Variants in GNAL observed in about 807,000 individuals in gnomAD.
GNAL encodes G protein subunit alpha L.
A neutral mutation model predicts 55.1 loss-of-function variants in GNAL; 18 were observed. The observed-to-expected ratio is 0.33, with a 90% CI of 0.23 to 0.48. The LOEUF is 0.48. Among genes scored for constraint, GNAL ranks in the 20% least tolerant of loss-of-function variants. The probability of loss-of-function intolerance (pLI) is 0.99; values close to 1 mark genes in which losing one functional copy is unlikely to be tolerated. For missense variants in GNAL, 412 were observed against 614.1 expected (o/e 0.67, Z 3.48); for synonymous variants, 253 against 237.0 (o/e 1.07, Z -0.62).
chr18:11,830,513 C>T (rs1416404201), intron 5 of GNAL, among the ~76,000 whole-genome samples: 1 of 152,122 alleles, frequency 6.6e-6, no homozygotes, highest in Non-Finnish European at 1.5e-5. Flanking sequence ...TTTTGGGCTT[C>T]TCAGTGATGC....
intron 1 of GNAL, among the ~76,000 whole-genome samples, chr18:11,743,238 G>T (rs1268347134): frequency 6.7e-6 from 1 of 150,002 alleles, no homozygotes; most frequent in African/African-American, 2.5e-5. Context: ...GATTTACACA[G>T]AATCAGGTGT....
chr18:11,723,188 AAAAT>A, intron 1 of GNAL, among the ~76,000 whole-genome samples: 1 of 152,222 alleles, frequency 6.6e-6, no homozygotes, highest in Non-Finnish European at 1.5e-5. Flanking sequence ...TGTCTTGAAA[AAAAT>A]AAAAAAATAA....
intron 1 of GNAL, among the ~76,000 whole-genome samples, chr18:11,725,843 A>G (rs1472723482): frequency 1.3e-5 from 2 of 152,170 alleles, no homozygotes; most frequent in South Asian, 2.1e-4. Flanking sequence ...CTTTGCAGGA[A>G]ACTACCAAAT....
chr18:11,850,581 G>T (rs2035834656), intron 5 of GNAL, among the ~76,000 whole-genome samples: 1 of 152,226 alleles, frequency 6.6e-6, no homozygotes, highest in South Asian at 2.1e-4. Flanking sequence ...GCCCGTGGGT[G>T]TGGGTCCTGA....
At chr18:11,861,846 C>G (rs1456938837) in intron 5 of GNAL, among the ~76,000 whole-genome samples, 1 of 152,142 alleles carries the variant, frequency 6.6e-6, no homozygotes, top group African/African-American at 2.4e-5. Flanking sequence ...CGTTCTCGCT[C>G]TCGCACACTT....
intron 1 of GNAL, among the ~76,000 whole-genome samples, chr18:11,699,764 T>C (rs113672533): frequency 6.6e-6 from 1 of 152,162 alleles, no homozygotes; most frequent in African/African-American, 2.4e-5. Context: ...TGATACCATA[T>C]GAGTGGACAA....
chr18:11,794,560 T>C (rs112823421), intron 4 of GNAL, among the ~76,000 whole-genome samples: 1 of 152,036 alleles, frequency 6.6e-6, no homozygotes, highest in Non-Finnish European at 1.5e-5. Flanking sequence ...AATTGGTAGT[T>C]GCCAGGTGTT....
chr18:11,884,651 T>G lies in GNAL; in HGVS notation c.*3516T>G. 6.2e-7 allele frequency: 1 copy of G among 1,608,906 alleles called. No homozygotes were observed. The highest frequency in any genetic ancestry group is 1.1e-5 in the South Asian group (1 of 90,930). ...CCCTGGAAAGGAGAAGGGAAAGTTA[T>G]GCTGAGAGCACCAGGCACACGTTGA... is the stretch of plus-strand genomic sequence containing the variant. On this transcript the variant is annotated 3_prime_UTR_variant, in exon 12 of 12. Transcript: ENST00000334049.
chr18:11,827,844 A>C lies in GNAL; in HGVS notation c.722+2829A>C, dbSNP rs1298176611. Reference sequence around the variant, plus strand: ...AAATTAGCCGGGCGTGGTGGCCGGCACCTGTAGTCCCAGCTACTCTGGAGG... The same window carrying C: ...AAATTAGCCGGGCGTGGTGGCCGGCCCCTGTAGTCCCAGCTACTCTGGAGG... On this transcript the variant is annotated intron_variant, in intron 5 of 11. Transcript: ENST00000334049. Among the ~76,000 whole-genome samples the C allele has an allele frequency of 7.2e-5, 11 of 151,770 alleles. No homozygotes were observed. In the East Asian group the frequency reaches 2.2e-3, roughly 30 times the overall value.
At chr18:11,797,576 T>G (rs1003888370) in intron 4 of GNAL, among the ~76,000 whole-genome samples, 2 of 151,998 alleles carry the variant, frequency 1.3e-5, no homozygotes, top group African/African-American at 4.8e-5. Context: ...AAGCCCCACC[T>G]CTACAAAAAA....
At chr18:11,808,700 A>C (rs1161550889) in intron 4 of GNAL, among the ~76,000 whole-genome samples, 1 of 152,230 alleles carries the variant, frequency 6.6e-6, no homozygotes, top group Non-Finnish European at 1.5e-5. Flanking sequence ...CTTGCACACG[A>C]ATGTTTATAG....
chr18:11,833,584 T>C (rs1351011121), intron 5 of GNAL: 1 of 152,184 alleles, frequency 6.6e-6, no homozygotes, highest in Non-Finnish European at 1.5e-5. Flanking sequence ...AACCTGTTTT[T>C]AAAATATCTC....
intron 1 of GNAL, among the ~76,000 whole-genome samples, chr18:11,727,034 C>T (rs2032227894): frequency 6.6e-6 from 1 of 151,964 alleles, no homozygotes; most frequent in South Asian, 2.1e-4. Context: ...TCAGTAGCAG[C>T]CTCTGTGTGC....
In GNAL at chr18:11,734,175, C is replaced by T. The variant is rs1367420220; in HGVS notation, c.377-18678C>T. On this transcript the variant is annotated intron_variant, in intron 1 of 11. Coordinates refer to ENST00000334049, the MANE Select transcript of GNAL (RefSeq NM_182978.4). ...TTTTTTTTTTTTTTTGAGACAGCCTCGCTCTGTCACCAGACTGGAGTGCAG... is the reference window on the plus strand; with the variant it reads ...TTTTTTTTTTTTTTTGAGACAGCCTTGCTCTGTCACCAGACTGGAGTGCAG... Among the ~76,000 whole-genome samples the T allele has an allele frequency of 2.2e-4, 33 of 148,166 alleles. 1 individual carries two copies. The highest frequency in any genetic ancestry group is 2.2e-3 in the Admixed American group (32 of 14,826).
intron 1 of GNAL, among the ~76,000 whole-genome samples, chr18:11,749,658 T>G (rs2032769929): frequency 6.6e-6 from 1 of 152,120 alleles, no homozygotes; most frequent in Non-Finnish European, 1.5e-5. Context: ...ACCATAACAA[T>G]GCAAGGTGAT....
intron 4 of GNAL, among the ~76,000 whole-genome samples, chr18:11,789,500 A>G (rs936854539): frequency 6.6e-6 from 1 of 152,166 alleles, no homozygotes; most frequent in African/African-American, 2.4e-5. Context: ...CATTTGGGTA[A>G]CTCCATGTGC....
At chr18:11,823,480 A>G (rs1358483300) in intron 4 of GNAL, among the ~76,000 whole-genome samples, 4 of 152,248 alleles carry the variant, frequency 2.6e-5, no homozygotes, top group African/African-American at 4.8e-5. Context: ...AATAAAGCCT[A>G]CACTCTGGGT....
At chr18:11,775,720 G>T (rs543236792) in intron 4 of GNAL, among the ~76,000 whole-genome samples, 1 of 152,168 alleles carries the variant, frequency 6.6e-6, no homozygotes, top group African/African-American at 2.4e-5. Flanking sequence ...AGGGGTTCCC[G>T]GTGTCTACAA....
chr18:11,775,884 T>C (rs1335207887), intron 4 of GNAL, among the ~76,000 whole-genome samples: 3 of 152,206 alleles, frequency 2.0e-5, no homozygotes, highest in Non-Finnish European at 4.4e-5. Context: ...GTTTTATTGC[T>C]GAAAGAATGA....
Sources: allele counts gnomAD v4.1 joint callset (sites outside exome capture counted in the v4.1 genomes callset), GRCh38; gene constraint gnomAD v4.1.1; transcripts MANE v1.5; gene names NCBI Gene and HGNC (gene_info 2026-07-23, HGNC 2026-07-21).